The following SPRR2G variants were observed in gnomAD, a reference collection of about 807,000 sequenced individuals.
The protein encoded by SPRR2G is small proline-rich protein 2G.
In SPRR2G, 1 loss-of-function variant was observed where a neutral mutation model predicts 0.7. The observed-to-expected ratio is 1.49, with a 90% CI of 0.53 to 7.06. The LOEUF (loss-of-function observed/expected upper bound fraction) is 7.06. Ranked by LOEUF, SPRR2G falls within the 30% of genes most tolerant of loss-of-function variation. The pLI, the probability that SPRR2G is intolerant of heterozygous loss-of-function variation, is 0.14. For synonymous variants in SPRR2G, 38 were observed against 33.9 expected (o/e 1.12, Z -0.42); for missense variants, 96 against 88.5 (o/e 1.09, Z -0.34).
the SPRR2G span, among the ~76,000 whole-genome samples, chr1:153,156,826 C>T: frequency 0.013 from 2,036 of 152,220 alleles, 61 homozygotes; most frequent in East Asian, 0.11. Context: ...TATTTTGTGG[C>T]AATATAATTC....
At chr1:153,191,135 C>T in the SPRR2G span, 4 of 152,418 alleles carry the variant, frequency 2.6e-5, no homozygotes, top group African/African-American at 9.6e-5. Context: ...TCTCTGATTT[C>T]AGCTGCCTCC....
the SPRR2G span, among the ~76,000 whole-genome samples, chr1:153,159,528 C>A: frequency 6.6e-6 from 1 of 152,216 alleles, no homozygotes; most frequent in African/African-American, 2.4e-5. Context: ...CTGCCCATTA[C>A]CCACTTCTAA....
the SPRR2G span, among the ~76,000 whole-genome samples, chr1:153,156,579 G>A: frequency 6.6e-5 from 10 of 152,106 alleles, no homozygotes; most frequent in African/African-American, 9.6e-5. Context: ...ATTTAAATAC[G>A]CGCTGTTTTC....
chr1:153,161,960 A>AAT, the SPRR2G span, among the ~76,000 whole-genome samples: 1 of 152,226 alleles, frequency 6.6e-6, no homozygotes, highest in South Asian at 2.1e-4. Flanking sequence ...AGTCTCCATG[A>AAT]TACCAATAGG....
At chr1:153,157,823 C>T in the SPRR2G span, among the ~76,000 whole-genome samples, 1 of 150,874 alleles carries the variant, frequency 6.6e-6, no homozygotes, top group Non-Finnish European at 1.5e-5. Context: ...TTAACTGACT[C>T]ACAGTTCCCC....
the SPRR2G span, among the ~76,000 whole-genome samples, chr1:153,192,101 A>G: frequency 6.6e-6 from 1 of 152,198 alleles, no homozygotes; most frequent in African/African-American, 2.4e-5. Context: ...TGCTGCATGA[A>G]CCATTAGGCT....
At chr1:153,184,680 C>A in the SPRR2G span, among the ~76,000 whole-genome samples, 3 of 152,090 alleles carry the variant, frequency 2.0e-5, no homozygotes, top group East Asian at 5.8e-4. Flanking sequence ...CTCTTCCTGT[C>A]TGAATGCCTT....
At chr1:153,196,772 G>T in the SPRR2G span, among the ~76,000 whole-genome samples, 3 of 152,214 alleles carry the variant, frequency 2.0e-5, no homozygotes, top group African/African-American at 7.2e-5. Flanking sequence ...ATCTCGCTTT[G>T]TGCCCTGAGC....
chr1:153,201,755 G>T, the SPRR2G span, among the ~76,000 whole-genome samples: 1 of 152,166 alleles, frequency 6.6e-6, no homozygotes, highest in African/African-American at 2.4e-5. Context: ...CCCATATGAG[G>T]TTTCTCCATC....
At chr1:153,163,098 G>T in the SPRR2G span, among the ~76,000 whole-genome samples, 1 of 152,148 alleles carries the variant, frequency 6.6e-6, no homozygotes, top group Non-Finnish European at 1.5e-5. Context: ...ACAAGATAAA[G>T]ATTTGAGCTG....
the SPRR2G span, among the ~76,000 whole-genome samples, chr1:153,182,469 C>G: frequency 0.083 from 12,654 of 151,854 alleles, 581 homozygotes; most frequent in African/African-American, 0.13. Flanking sequence ...TTTGCTGCAC[C>G]CACCAACCCA....
At chr1:153,187,604 C>A in the SPRR2G span, among the ~76,000 whole-genome samples, 20 of 152,080 alleles carry the variant, frequency 1.3e-4, no homozygotes, top group African/African-American at 4.8e-4. Context: ...ATTCCTGTAG[C>A]CTTTTATCAA....
the SPRR2G span, among the ~76,000 whole-genome samples, chr1:153,184,718 TG>T: frequency 2.0e-5 from 3 of 152,202 alleles, no homozygotes; most frequent in Admixed American, 2.0e-4. Context: ...ATGATTGCCC[TG>T]GCCAGAACTT....
rs529016203 is a variant in SPRR2G, at chr1:153,150,186, C to T, written c.-21-55G>A. Reference sequence around the variant, plus strand: ...AAGAGAGACAGTCCTGTTGGTGGAGCAATTAGCTAGGACATCAAATCTCCA... The same window carrying T: ...AAGAGAGACAGTCCTGTTGGTGGAGTAATTAGCTAGGACATCAAATCTCCA... On this transcript the variant is annotated intron_variant, in intron 1 of 1. Transcript: ENST00000368748. 8 of 1,595,240 alleles carry T rather than the reference C, an allele frequency of 5.0e-6. No homozygotes were observed. In the East Asian group the frequency reaches 1.8e-4, roughly 36 times the overall value.
the SPRR2G span, among the ~76,000 whole-genome samples, chr1:153,188,018 G>T: frequency 2.0e-5 from 3 of 152,122 alleles, no homozygotes; most frequent in Admixed American, 2.0e-4. Context: ...TGTTTGCCTG[G>T]GTATTACCAG....
At chr1:153,171,058 G>T in the SPRR2G span, among the ~76,000 whole-genome samples, 1 of 152,172 alleles carries the variant, frequency 6.6e-6, no homozygotes, top group Non-Finnish European at 1.5e-5. Flanking sequence ...CTCTTTTCAC[G>T]GAAGAGTACT....
the SPRR2G span, among the ~76,000 whole-genome samples, chr1:153,159,982 G>C: frequency 6.6e-6 from 1 of 152,132 alleles, no homozygotes; most frequent in Admixed American, 6.5e-5. Flanking sequence ...GTTAACCATA[G>C]GTATTATATT....
chr1:153,154,003 A>C (rs890295839), upstream of SPRR2G, among the ~76,000 whole-genome samples: 7 of 152,072 alleles, frequency 4.6e-5, no homozygotes, highest in Non-Finnish European at 8.8e-5. Flanking sequence ...TCTATACCTA[A>C]TTCGTTGAGT....
At chr1:153,167,063 C>A in the SPRR2G span, among the ~76,000 whole-genome samples, 7 of 152,322 alleles carry the variant, frequency 4.6e-5, no homozygotes, top group South Asian at 6.2e-4. Context: ...ATTCCACCAC[C>A]ACCATCACAG....
Sources: allele counts gnomAD v4.1 joint callset (sites outside exome capture counted in the v4.1 genomes callset), GRCh38; gene constraint gnomAD v4.1.1; transcripts MANE v1.5; gene names NCBI Gene and HGNC (gene_info 2026-07-23, HGNC 2026-07-21).